Variants in MTHFSD observed in about 807,000 individuals in gnomAD.
MTHFSD encodes methenyltetrahydrofolate synthase domain-containing protein.
A neutral mutation model predicts 31.1 loss-of-function variants in MTHFSD; 37 were observed. The ratio of observed to expected loss-of-function variants is 1.19; its 90% CI spans 0.91 to 1.56. MTHFSD has a LOEUF of 1.56. MTHFSD is among the 40% of genes most tolerant of loss of function. The pLI is 0.00. For missense variants in MTHFSD, 664 were observed against 510.1 expected (o/e 1.30, Z -2.91); for synonymous variants, 221 against 206.9 (o/e 1.07, Z -0.59).
At position 86,542,076 on chromosome 16, in the gene MTHFSD, T is replaced by G; in HGVS notation, c.555+25A>C. The G allele has an allele frequency of 6.3e-7, 1 of 1,594,342 alleles. No individual in the cohort carries two copies. Among genetic ancestry groups the G allele is most frequent in the Non-Finnish European group, 8.6e-7 (1 of 1,163,666 alleles). On this transcript the variant is annotated intron_variant, in intron 6 of 7. Transcript: ENST00000360900. The surrounding 1 kb of genome is among the most constrained non-coding windows in gnomAD (Gnocchi z 4.6). ...CCTCAGAAGAGAATGGCAGTGGCTC[T>G]GCTCAGCCCATTCATAAGGAGCACC...
At chr16:86,540,447 A>G (rs1006716816) in intron 7 of MTHFSD, among the ~76,000 whole-genome samples, 2 of 152,340 alleles carry the variant, frequency 1.3e-5, no homozygotes, top group African/African-American at 4.8e-5. Context: ...TAAAATCTTC[A>G]GAATGTAACC....
In MTHFSD at chr16:86,532,144, C is replaced by A; in HGVS notation, c.1019G>T (p.Gly340Val). The change falls in exon 8 of 8, where the codon GGC becomes GTC. Residue 340 changes from glycine to valine, a missense_variant. Coordinates refer to ENST00000360900, the MANE Select transcript of MTHFSD (RefSeq NM_001159377.2). Reference sequence around the variant, plus strand: ...ATGGAGGAAGGCTCTGCGCCGCGGGCCCTGCCAGGTGAGCCGCAGGGGCAC... The same window carrying A: ...ATGGAGGAAGGCTCTGCGCCGCGGGACCTGCCAGGTGAGCCGCAGGGGCAC... ...GSVPLRLTWQGPRRRAFLHYP... is the reference protein window; with the variant it reads ...GSVPLRLTWQVPRRRAFLHYP... 1.3e-6 allele frequency: 2 copies of A among 1,560,994 alleles called. No homozygotes were observed. The highest frequency in any genetic ancestry group is 1.2e-5 in the South Asian group (1 of 83,818).
At chr16:86,536,762 T>A (rs575092129) in intron 7 of MTHFSD, among the ~76,000 whole-genome samples, 4 of 152,382 alleles carry the variant, frequency 2.6e-5, no homozygotes, top group Middle Eastern at 3.4e-3. Flanking sequence ...CTGGCCCTCA[T>A]TGCGAGGCCC....
At chr16:86,541,633 A>C (rs1971527538) in intron 7 of MTHFSD, 64 bp downstream of exon 7, 1 of 1,569,850 alleles carries the variant, frequency 6.4e-7, no homozygotes, top group South Asian at 1.2e-5. Context: ...TGCCAGACAG[A>C]AAACACTTAA....
chr16:86,541,911 C>A, intron 6 of MTHFSD, 89 bp from the exon 7 acceptor site: 2 of 1,553,156 alleles, frequency 1.3e-6, no homozygotes, highest in South Asian at 1.2e-5. Flanking sequence ...GTGAGGCTGG[C>A]TAGAGAAGCA....
At position 86,541,832 on chromosome 16, in the gene MTHFSD, G is replaced by A. The variant is rs752247078; in HGVS notation, c.556-10C>T. The A allele has an allele frequency of 1.5e-5, 25 of 1,613,578 alleles. No homozygotes were observed. In the Admixed American group the frequency reaches 2.2e-4, roughly 14 times the overall value. ...CAGGGATGTCCACGACCTGGGGGAA[G>A]AGAGGAGGGATAAAGGGGCTGCTGG... On this transcript the variant is annotated splice_polypyrimidine_tract_variant and intron_variant, in intron 6 of 7. Coordinates refer to ENST00000360900, the MANE Select transcript of MTHFSD (RefSeq NM_001159377.2).
chr16:86,551,887 C>CA, intron 3 of MTHFSD, 146 bp downstream of exon 3: 1 of 1,449,254 alleles, frequency 6.9e-7, no homozygotes. Context: ...TTGGAAAAAT[C>CA]ACCACCAAGG....
chr16:86,554,556 C>G, intron 2 of MTHFSD, 89 bp downstream of exon 2: 1 of 1,030,496 alleles, frequency 9.7e-7, no homozygotes, highest in Non-Finnish European at 1.5e-6. Flanking sequence ...TCTCATCCAC[C>G]ATGACGCAGT....
chr16:86,542,184 C>T lies in MTHFSD; in HGVS notation c.472G>A (p.Ala158Thr), dbSNP rs745864482. Residue 158 changes from alanine to threonine, a missense_variant, in exon 6 of 8, where the codon GCC (alanine) becomes ACC (threonine). Transcript: ENST00000360900. The surrounding 1 kb of genome is among the most constrained non-coding windows in gnomAD (Gnocchi z 4.6). Reference protein sequence around the residue: ...GWRIGKGEGYADLEYAMMVSM... With the variant: ...GWRIGKGEGYTDLEYAMMVSM... ...ACCATCATGGCATATTCCAGATCGG[C>T]GTAGCCTTCTCCCTTCCCGATTCTC... 5.0e-6 allele frequency: 8 copies of T among 1,613,676 alleles called. No homozygotes were observed. The highest frequency in any genetic ancestry group is 2.2e-5 in the South Asian group (2 of 91,088).
At chr16:86,554,037 A>G (rs1305236582) in intron 2 of MTHFSD, among the ~76,000 whole-genome samples, 1 of 152,156 alleles carries the variant, frequency 6.6e-6, no homozygotes, top group Non-Finnish European at 1.5e-5. Context: ...TCTCTGTAAA[A>G]TGGACCAATC....
rs374171063 is a variant in MTHFSD at position 86,532,314 on chromosome 16, G to A, written c.849C>T (p.Pro283=). 8.4e-5 allele frequency: 133 copies of A among 1,592,538 alleles called. No individual in the cohort carries two copies. Among genetic ancestry groups the A allele is most frequent in the Middle Eastern group, 3.3e-4 (2 of 5,984 alleles). The change falls in exon 8 of 8, where the codon CCC becomes CCT. Residue 283 remains proline, a synonymous_variant. Transcript: ENST00000360900. ...LSVGRRPPDT[P]GPETNSMEAA... is the part of the protein sequence containing the mutation. Reference sequence around the variant, plus strand: ...CCTCCATGGAATTGGTTTCTGGTCCGGGTGTGTCCGGGGGCCTCCTGCCAA... The same window carrying A: ...CCTCCATGGAATTGGTTTCTGGTCCAGGTGTGTCCGGGGGCCTCCTGCCAA...
rs1970057726 is a variant in MTHFSD, at chr16:86,532,157, G to C, written c.1006C>G (p.Leu336Val). The change falls in exon 8 of 8, where the codon CTC becomes GTC. Residue 336 changes from leucine (L) to valine (V), a missense_variant. Transcript: ENST00000360900. ...LRELGSVPLR[L>V]TWQGPRRRAF... ...CTGCGCCGCGGGCCCTGCCAGGTGAGCCGCAGGGGCACGGAGCCGAGTTCC... is the reference window on the plus strand; with the variant it reads ...CTGCGCCGCGGGCCCTGCCAGGTGACCCGCAGGGGCACGGAGCCGAGTTCC... The C allele has an allele frequency of 1.9e-6, 3 of 1,567,928 alleles. No homozygotes were observed. Among genetic ancestry groups the C allele is most frequent in the Non-Finnish European group, 8.6e-7 (1 of 1,156,592 alleles).
At chr16:86,553,551 T>G (rs1385341571) in intron 2 of MTHFSD, 1 of 152,866 alleles carries the variant, frequency 6.5e-6, no homozygotes, top group Admixed American at 6.5e-5. Context: ...GCTTAGCACC[T>G]GGGCCACCAG....
In MTHFSD at chr16:86,532,028, G is replaced by A. The variant is rs1970035902; in HGVS notation, c.1135C>T (p.Gln379Ter). ...TDTLRVALAR[Q>*]QRDK ...CCACGAGGTCACTTGTCCCTCTGCT[G>A]CCTGGCCAGCGCCACCCTCAGGGTG... The change falls in exon 8 of 8, where the codon CAG becomes TAG. Residue 379 changes from glutamine to a stop codon, truncating the protein, a stop_gained. Transcript: ENST00000360900. LOFTEE classifies it high-confidence loss of function. The A allele has an allele frequency of 6.7e-7, 1 of 1,481,622 alleles. No homozygotes were observed. The highest frequency in any genetic ancestry group is 8.9e-7 in the Non-Finnish European group (1 of 1,121,708). The allele number at this position is 1,481,622 out of a possible 1,614,324, so 91.8% of individuals were successfully genotyped here.
chr16:86,540,796 A>G (rs1971393228), intron 7 of MTHFSD: 2 of 1,006,592 alleles, frequency 2.0e-6, no homozygotes, highest in Non-Finnish European at 2.4e-6. Flanking sequence ...AGGGCCGCCC[A>G]TACACTCTGG....
chr16:86,551,776 G>A (rs950152552), intron 3 of MTHFSD, among the ~76,000 whole-genome samples: 8 of 152,198 alleles, frequency 5.3e-5, no homozygotes, highest in Non-Finnish European at 1.2e-4. Flanking sequence ...AACTGGGCCT[G>A]GAAGCCATTG....
intron 7 of MTHFSD, among the ~76,000 whole-genome samples, chr16:86,537,614 C>T (rs1970890581): frequency 6.6e-6 from 1 of 152,214 alleles, no homozygotes; most frequent in South Asian, 2.1e-4. Context: ...CAGTTAGCTG[C>T]ATTATTTGCA....
Position 86,542,078 on chromosome 16 carries a change from C to G in MTHFSD, c.555+23G>C. 1.9e-6 allele frequency: 3 copies of G among 1,601,194 alleles called. No homozygotes were observed. Among genetic ancestry groups the G allele is most frequent in the Non-Finnish European group, 2.6e-6 (3 of 1,169,720 alleles). ...TCAGAAGAGAATGGCAGTGGCTCTGCTCAGCCCATTCATAAGGAGCACCTG... is the reference window on the plus strand; with the variant it reads ...TCAGAAGAGAATGGCAGTGGCTCTGGTCAGCCCATTCATAAGGAGCACCTG... On this transcript the variant is annotated intron_variant, in intron 6 of 7. Transcript: ENST00000360900. The surrounding 1 kb of genome is among the most constrained non-coding windows in gnomAD (Gnocchi z 4.6).
chr16:86,541,900 C>T (rs779386428), intron 6 of MTHFSD, 78 bp from the exon 7 acceptor site: 74 of 1,579,430 alleles, frequency 4.7e-5, no homozygotes, highest in Non-Finnish European at 5.9e-5. Flanking sequence ...TCGGTGGGAA[C>T]GTGAGGCTGG....
Sources: gnomAD v4.1 joint callset for allele counts (sites outside exome capture counted in the v4.1 genomes callset) on GRCh38, gnomAD v4.1.1 for gene constraint, Gnocchi (gnomAD v3.1) non-coding constraint, MANE v1.5 for transcripts, NCBI Gene and HGNC (gene_info 2026-07-23, HGNC 2026-07-21) for gene names.